The following ARMC2 variants were observed in gnomAD, a reference collection of about 807,000 sequenced individuals.
ARMC2 encodes armadillo repeat containing 2.
A neutral mutation model predicts 90.3 loss-of-function variants in ARMC2; 67 were observed. The observed-to-expected ratio is 0.74, with a 90% CI of 0.61 to 0.91. The LOEUF (loss-of-function observed/expected upper bound fraction) is 0.91. Ranked by LOEUF, ARMC2 falls within the 40% of genes least tolerant of loss-of-function variation. The probability of loss-of-function intolerance (pLI) is 0.00; values close to 1 mark genes in which losing one functional copy is unlikely to be tolerated. For missense variants in ARMC2, 920 were observed against 1,030.9 expected, an observed-to-expected ratio of 0.89 and a Z score of 1.47; for synonymous variants, 393 against 393.0, an observed-to-expected ratio of 1.00 and a Z score of 0.00.
the ARMC2 span, among the ~76,000 whole-genome samples, chr6:108,982,534 T>A: frequency 2.0e-5 from 3 of 152,226 alleles, no homozygotes; most frequent in African/African-American, 7.2e-5. Context: ...TTTTTAACTT[T>A]TTGAGGAACC....
At chr6:108,986,395 T>TAATA in the ARMC2 span, 5 of 152,656 alleles carry the variant, frequency 3.3e-5, no homozygotes, top group African/African-American at 7.2e-5. Context: ...AAATTATTAC[T>TAATA]AATAGTGAAG....
intron 12 of ARMC2, among the ~76,000 whole-genome samples, chr6:108,942,327 T>C (rs1776510802): frequency 6.6e-6 from 1 of 152,216 alleles, no homozygotes; most frequent in African/African-American, 2.4e-5. Flanking sequence ...AGAATTTTTT[T>C]CCCACAATTT....
intron 9 of ARMC2, among the ~76,000 whole-genome samples, chr6:108,911,872 C>T (rs145266918): frequency 1.3e-5 from 2 of 151,918 alleles, no homozygotes. Flanking sequence ...AAAGGATAGG[C>T]GTTATATTCA....
chr6:109,009,274 T>C, the ARMC2 span: 2 of 1,221,082 alleles, frequency 1.6e-6, no homozygotes, highest in Non-Finnish European at 2.1e-6. Context: ...GGAGGCAACG[T>C]GACCTCCGTG....
chr6:109,051,955 C>T, the ARMC2 span, among the ~76,000 whole-genome samples: 1 of 152,186 alleles, frequency 6.6e-6, no homozygotes, highest in African/African-American at 2.4e-5. Flanking sequence ...AAAGACCCCA[C>T]CTCTTAATAC....
chr6:109,008,548 G>A, the ARMC2 span, among the ~76,000 whole-genome samples: 2 of 152,034 alleles, frequency 1.3e-5, no homozygotes, highest in African/African-American at 4.8e-5. Context: ...AAGAAATCAC[G>A]AAACCACGTC....
rs145914091 is a variant in ARMC2 at position 108,885,927 on chromosome 6, T to A, written c.672-8540T>A. Among the ~76,000 whole-genome samples the A allele has an allele frequency of 4.2e-3, 640 of 152,344 alleles. 3 individuals are homozygous for A. The highest frequency in any genetic ancestry group is 0.014 in the African/African-American group (600 of 41,578). ...GTATTGGAACACAGCCACACTCATC[T>A]TTTACCTATTGTCCATGGCCATCTT... On this transcript the variant is annotated intron_variant, in intron 5 of 17. Transcript: ENST00000392644.
chr6:108,984,645 T>C, the ARMC2 span, among the ~76,000 whole-genome samples: 1 of 152,340 alleles, frequency 6.6e-6, no homozygotes, highest in South Asian at 2.1e-4. Context: ...TTAGGTTTAT[T>C]CCTAAGTATT....
the ARMC2 span, chr6:108,998,357 G>A: frequency 4.1e-6 from 3 of 740,518 alleles, no homozygotes; most frequent in South Asian, 5.4e-5. Context: ...AGCATGTGAG[G>A]CAGTCAATAA....
the ARMC2 span, among the ~76,000 whole-genome samples, chr6:109,012,463 C>T: frequency 6.6e-6 from 1 of 152,106 alleles, no homozygotes; most frequent in Non-Finnish European, 1.5e-5. Context: ...TGCACTCAGC[C>T]TTATTTTTCT....
chr6:108,849,254 G>T (rs1297477344), intron 1 of ARMC2, among the ~76,000 whole-genome samples: 1 of 152,136 alleles, frequency 6.6e-6, no homozygotes, highest in Non-Finnish European at 1.5e-5. Flanking sequence ...ACTTTAATTT[G>T]GTTGAAAAGC....
downstream of ARMC2, among the ~76,000 whole-genome samples, chr6:108,977,190 A>AT (rs1778998848): frequency 6.7e-6 from 1 of 148,752 alleles, no homozygotes; most frequent in African/African-American, 2.6e-5. Flanking sequence ...TACCTACTTT[A>AT]TTGAGGGTTT....
chr6:108,959,656 C>G (rs1403515275), intron 13 of ARMC2: 1 of 151,818 alleles, frequency 6.6e-6, no homozygotes, highest in African/African-American at 2.4e-5. Context: ...TCTCTGATTG[C>G]CCAGCTCTTT....
chr6:108,989,044 C>T, the ARMC2 span, among the ~76,000 whole-genome samples: 1 of 152,146 alleles, frequency 6.6e-6, no homozygotes, highest in Non-Finnish European at 1.5e-5. Flanking sequence ...GCCCTGTCGC[C>T]CAGGCTGGAG....
intron 13 of ARMC2, among the ~76,000 whole-genome samples, chr6:108,960,208 G>A (rs6651000): frequency 6.7e-6 from 1 of 149,592 alleles, no homozygotes; most frequent in Non-Finnish European, 1.5e-5. Context: ...TATGTGCACC[G>A]GCGGGGGACA....
chr6:108,856,067 C>G (rs1302497351), intron 2 of ARMC2, among the ~76,000 whole-genome samples: 2 of 152,110 alleles, frequency 1.3e-5, no homozygotes, highest in African/African-American at 4.8e-5. Flanking sequence ...TGAAGTCAAG[C>G]TTATCAATTC....
the ARMC2 span, among the ~76,000 whole-genome samples, chr6:109,011,316 T>C: frequency 1.3e-5 from 2 of 152,204 alleles, no homozygotes; most frequent in Non-Finnish European, 2.9e-5. Context: ...TATAGGAAGC[T>C]CCAATTAGGA....
chr6:109,021,066 T>A, the ARMC2 span, among the ~76,000 whole-genome samples: 1 of 152,298 alleles, frequency 6.6e-6, no homozygotes, highest in African/African-American at 2.4e-5. Flanking sequence ...TGATCATGGC[T>A]CACAGCAGCC....
At chr6:108,983,400 TGTCA>T in the ARMC2 span, among the ~76,000 whole-genome samples, 10 of 152,236 alleles carry the variant, frequency 6.6e-5, no homozygotes, top group African/African-American at 2.4e-4. Context: ...GTTTTACAGT[TGTCA>T]GTCTTACATT....
Sources: gnomAD v4.1 joint callset for allele counts (sites outside exome capture counted in the v4.1 genomes callset) on GRCh38, gnomAD v4.1.1 for gene constraint, MANE v1.5 for transcripts, NCBI Gene and HGNC (gene_info 2026-07-23, HGNC 2026-07-21) for gene names.